FLACC1: variants seen among roughly 807,000 people sequenced by gnomAD.
FLACC1 encodes flagellum-associated coiled-coil domain-containing protein 1.
A neutral mutation model predicts 62.8 loss-of-function variants in FLACC1; 66 were observed. That is an observed-to-expected ratio of 1.05 (90% confidence interval 0.86 to 1.29). The LOEUF (loss-of-function observed/expected upper bound fraction) is 1.29. Among genes scored for constraint, FLACC1 ranks in the 50% most tolerant of loss-of-function variants. FLACC1 has a pLI of 0.00. For synonymous variants in FLACC1, 156 were observed against 161.0 expected (o/e 0.97, Z 0.24); for missense variants, 452 against 489.1 (o/e 0.92, Z 0.71).
chr2:201,342,568 C>A, intron 6 of FLACC1, 137 bp from the exon 7 acceptor site: 1 of 762,258 alleles, frequency 1.3e-6, no homozygotes. Context: ...TCCCACCCCT[C>A]TTCCACTGTG....
At chr2:201,358,081 T>C (rs909318933), upstream of FLACC1, among the ~76,000 whole-genome samples, 12 of 152,202 alleles carry the variant, frequency 7.9e-5, no homozygotes, top group Non-Finnish European at 1.8e-4. Context: ...TGTTATAAAT[T>C]CATCTATTCA....
chr2:201,348,491 G>A (rs569006308), intron 3 of FLACC1, among the ~76,000 whole-genome samples, 189 bp from the exon 4 acceptor site: 1 of 152,260 alleles, frequency 6.6e-6, no homozygotes, highest in Admixed American at 6.5e-5. Context: ...GGGTGCTCAT[G>A]AAAAGGTCCT....
In FLACC1 at chr2:201,346,548, A is replaced by T. The variant is rs769932357; in HGVS notation, c.362T>A (p.Phe121Tyr). 35 of 1,613,786 alleles carry T rather than the reference A, an allele frequency of 2.2e-5. 1 individual carries two copies. In the South Asian group the frequency reaches 3.8e-4, roughly 18 times the overall value. Residue 121 changes from phenylalanine to tyrosine, a missense_variant, in exon 5 of 15, where the codon TTT becomes TAT. Physicochemically the swap from Phe to Tyr is conservative, Grantham distance 22. Transcript: ENST00000392257. This position sits in a 1 kb window ranked among gnomAD's most constrained non-coding sequence, Gnocchi z 4.0. ...GTTGCTGCAACAGCATTACCTGGAA[A>T]ATCTGCCTTTGTCCGGGATCTCCGA... ...WESEIPDKGR[F>Y]SRTNIISDLE...
At chr2:201,336,208 A>G (rs1260682346) in intron 7 of FLACC1, among the ~76,000 whole-genome samples, 2 of 152,034 alleles carry the variant, frequency 1.3e-5, no homozygotes, top group East Asian at 1.9e-4. Flanking sequence ...TCTTCTTTGT[A>G]TCTATGTGTA....
At chr2:201,292,433 A>G (rs1180673294) in intron 12 of FLACC1, among the ~76,000 whole-genome samples, 2 of 152,216 alleles carry the variant, frequency 1.3e-5, no homozygotes, top group African/African-American at 2.4e-5. Context: ...ACTAAGCTTC[A>G]TGATTGAAGG....
chr2:201,342,488 C>A, intron 6 of FLACC1, 57 bp from the exon 7 acceptor site: 1 of 1,560,932 alleles, frequency 6.4e-7, no homozygotes, highest in Non-Finnish European at 8.8e-7. Context: ...CCATTCTGAT[C>A]TGCACCTTCT....
intron 11 of FLACC1, among the ~76,000 whole-genome samples, chr2:201,306,787 A>C (rs1950115919): frequency 8.3e-6 from 1 of 120,022 alleles, no homozygotes; most frequent in South Asian, 2.3e-4. Context: ...TATATCTGGC[A>C]AAAAAAACTT....
At chr2:201,292,519 A>C (rs1576406934) in intron 12 of FLACC1, among the ~76,000 whole-genome samples, 1 of 152,238 alleles carries the variant, frequency 6.6e-6, no homozygotes, top group African/African-American at 2.4e-5. Flanking sequence ...AGAGCTCCTG[A>C]AGGAAACACT....
intron 12 of FLACC1, among the ~76,000 whole-genome samples, chr2:201,296,097 A>G (rs1949854848): frequency 6.6e-6 from 1 of 152,184 alleles, no homozygotes; most frequent in African/African-American, 2.4e-5. Context: ...TGTGGAAGTC[A>G]GTGTGGCGAT....
intron 9 of FLACC1, among the ~76,000 whole-genome samples, chr2:201,310,524 C>T (rs1196880925): frequency 2.6e-5 from 4 of 152,096 alleles, no homozygotes; most frequent in African/African-American, 9.7e-5. Flanking sequence ...CCTTTCCCGC[C>T]CCACTAGCCA....
chr2:201,358,374 A>T (rs1247889810), upstream of FLACC1, among the ~76,000 whole-genome samples: 3 of 150,654 alleles, frequency 2.0e-5, no homozygotes, highest in Non-Finnish European at 2.9e-5. Context: ...TCCCAAGTAG[A>T]TGGGACTACA....
chr2:201,295,490 C>T lies in FLACC1; in HGVS notation c.942+3748G>A, dbSNP rs572792527. Among the ~76,000 whole-genome samples, 18 of 152,254 alleles carry T rather than the reference C, an allele frequency of 1.2e-4. No individual in the cohort carries two copies. The South Asian group carries it at 3.7e-3, about 32-fold the overall frequency. ...AAGCTGAAACTGGATCCCTTCCTTACACCTTATACAAAAATTAATTCAAGA... is the reference window on the plus strand; with the variant it reads ...AAGCTGAAACTGGATCCCTTCCTTATACCTTATACAAAAATTAATTCAAGA... On this transcript the variant is annotated intron_variant, in intron 12 of 14. Coordinates refer to ENST00000392257, the MANE Select transcript of FLACC1 (RefSeq NM_001127391.3).
At chr2:201,289,370 G>T in intron 14 of FLACC1, 87 bp downstream of exon 14, 3 of 1,232,318 alleles carry the variant, frequency 2.4e-6, no homozygotes, top group Non-Finnish European at 3.5e-6. Context: ...GGGAGCAGTT[G>T]GTCTATCTTC....
At chr2:201,295,042 G>A (rs748329627) in intron 12 of FLACC1, among the ~76,000 whole-genome samples, 2 of 152,182 alleles carry the variant, frequency 1.3e-5, no homozygotes, top group Non-Finnish European at 2.9e-5. Context: ...AACATTCCAT[G>A]CTCATGGATA....
intron 8 of FLACC1, 51 bp from the exon 9 acceptor site, chr2:201,330,573 T>G: frequency 6.3e-7 from 1 of 1,593,090 alleles, no homozygotes; most frequent in Non-Finnish European, 8.6e-7. Flanking sequence ...GATATGCACA[T>G]TTTCAAATTC....
chr2:201,335,334 C>T (rs1366589449), intron 7 of FLACC1, among the ~76,000 whole-genome samples: 3 of 151,176 alleles, frequency 2.0e-5, no homozygotes, highest in South Asian at 2.1e-4. Flanking sequence ...GGGCTTATTT[C>T]GTTCTTCTTT....
At chr2:201,355,327 A>G (rs190171293) in intron 1 of FLACC1, among the ~76,000 whole-genome samples, 3 of 152,246 alleles carry the variant, frequency 2.0e-5, no homozygotes, top group Admixed American at 2.0e-4. Context: ...CAAAGAGAAA[A>G]GAGATTCACA....
At chr2:201,352,363 A>T (rs1481981667) in intron 1 of FLACC1, among the ~76,000 whole-genome samples, 1 of 152,208 alleles carries the variant, frequency 6.6e-6, no homozygotes. Flanking sequence ...CTATTATGAG[A>T]ATCTTGATGA....
At chr2:201,324,401 G>A (rs979118954) in intron 9 of FLACC1, among the ~76,000 whole-genome samples, 1 of 152,164 alleles carries the variant, frequency 6.6e-6, no homozygotes, top group Non-Finnish European at 1.5e-5. Context: ...CAGCAACACA[G>A]TAATGGTGGG....
Sources: allele counts gnomAD v4.1 joint callset (sites outside exome capture counted in the v4.1 genomes callset), GRCh38; gene constraint gnomAD v4.1.1; non-coding constraint Gnocchi (gnomAD v3.1); transcripts MANE v1.5; gene names NCBI Gene and HGNC (gene_info 2026-07-23, HGNC 2026-07-21).